PRKD1: variants seen among roughly 807,000 people sequenced by gnomAD.
PRKD1 encodes the protein protein kinase D1, also known as serine/threonine-protein kinase D1.
PRKD1 carries 63 observed loss-of-function variants against 95.9 expected under a neutral mutation model. That is an observed-to-expected ratio of 0.66 (90% CI 0.54 to 0.81). PRKD1 has a LOEUF of 0.81. Among genes scored for constraint, PRKD1 ranks in the 30% least tolerant of loss-of-function variants. The probability of loss-of-function intolerance (pLI) is 0.00; values close to 1 mark genes in which losing one functional copy is unlikely to be tolerated. For synonymous variants in PRKD1, 425 were observed against 423.1 expected (o/e 1.00, Z -0.05); for missense variants, 1,048 against 1,165.3 (o/e 0.90, Z 1.47).
intron 1 of PRKD1, among the ~76,000 whole-genome samples, chr14:29,776,801 A>G (rs1019499040): frequency 1.4e-4 from 22 of 152,172 alleles, no homozygotes; most frequent in Non-Finnish European, 2.6e-4. Flanking sequence ...GAACACCACA[A>G]AGACAATCCT....
At chr14:29,904,588 C>T (rs1258498574) in intron 1 of PRKD1, among the ~76,000 whole-genome samples, 1 of 152,126 alleles carries the variant, frequency 6.6e-6, no homozygotes, top group Non-Finnish European at 1.5e-5. Flanking sequence ...ATAATAATTG[C>T]TATTATTACT....
intron 1 of PRKD1, among the ~76,000 whole-genome samples, chr14:29,742,009 G>A (rs1259541519): frequency 2.0e-5 from 3 of 152,016 alleles, no homozygotes; most frequent in Non-Finnish European, 2.9e-5. Context: ...ATGATCCTTT[G>A]GTTCCAAGGA....
chr14:29,737,328 CAAAAAAAAAAAAAAAAAAAAAA>C (rs796557046), intron 1 of PRKD1, among the ~76,000 whole-genome samples: 16 of 37,908 alleles, frequency 4.2e-4, no homozygotes, highest in Admixed American at 1.2e-3. Context: ...GACTCCGTCT[CAAAAAAAAAAAAAAAAAAAAAA>C]AAAAAAAAAA....
intron 4 of PRKD1, among the ~76,000 whole-genome samples, chr14:29,644,868 T>C (rs966375747): frequency 6.6e-6 from 1 of 152,110 alleles, no homozygotes; most frequent in Non-Finnish European, 1.5e-5. Context: ...ATACCTCATG[T>C]ATAAATAAAC....
chr14:29,742,217 C>T (rs1042489711), intron 1 of PRKD1, among the ~76,000 whole-genome samples: 1 of 152,146 alleles, frequency 6.6e-6, no homozygotes, highest in East Asian at 1.9e-4. Flanking sequence ...GAAAAAAATG[C>T]TGTAGCATGC....
chr14:29,841,895 A>T (rs1224860829), intron 1 of PRKD1, among the ~76,000 whole-genome samples: 8 of 151,708 alleles, frequency 5.3e-5, no homozygotes, highest in African/African-American at 7.3e-5. Context: ...CCCAAAAAAA[A>T]TTTTCTTTTT....
At position 29,826,466 on chromosome 14, in the gene PRKD1, ATATACATATATATGATGGAATATATG is replaced by A. The variant is rs1376835733; in HGVS notation, c.264+100757_264+100782del. ...TATATACATATATATGATGGAATATATATACATATATATGATGGAATATATGTATACATATATATGATGGAATATAT... is the reference window on the plus strand; with the variant it reads ...TATATACATATATATGATGGAATATATATACATATATATGATGGAATATAT... On this transcript the variant is annotated intron_variant, in intron 1 of 17. Coordinates refer to ENST00000331968, the MANE Select transcript of PRKD1 (RefSeq NM_002742.3). Among the ~76,000 whole-genome samples, 13 of 59,776 alleles carry A rather than the reference ATATACATATATATGATGGAATATATG, an allele frequency of 2.2e-4. No homozygotes were observed. The East Asian group carries it at 2.7e-3, about 12-fold the overall frequency. The allele number at this position is 59,776 out of a possible 152,430, so 39.2% of individuals were successfully genotyped here. A position where few individuals can be genotyped will look rare whatever the true frequency, so the allele number is the denominator to read the frequency against.
chr14:29,634,070 G>A (rs1486198305), intron 8 of PRKD1, among the ~76,000 whole-genome samples: 1 of 152,158 alleles, frequency 6.6e-6, no homozygotes, highest in African/African-American at 2.4e-5. Flanking sequence ...TTTATTCTCT[G>A]CCTAGAATGC....
At chr14:29,609,225 CA>C (rs1243209657) in intron 13 of PRKD1, among the ~76,000 whole-genome samples, 2 of 152,014 alleles carry the variant, frequency 1.3e-5, no homozygotes, top group Non-Finnish European at 2.9e-5. Flanking sequence ...TAATATAGTT[CA>C]AAATTTTGTA....
intron 16 of PRKD1, among the ~76,000 whole-genome samples, chr14:29,585,733 A>G (rs1244664790): frequency 1.3e-5 from 2 of 152,194 alleles, no homozygotes; most frequent in Non-Finnish European, 2.9e-5. Flanking sequence ...GAAAATCAGA[A>G]TGATGCTGAG....
chr14:29,650,119 G>A (rs926172899), intron 4 of PRKD1, among the ~76,000 whole-genome samples: 4 of 151,878 alleles, frequency 2.6e-5, no homozygotes, highest in Non-Finnish European at 4.4e-5. Context: ...TTTCTTTTCC[G>A]AGCTGACTTA....
At chr14:29,746,927 TATTTTAA>T (rs766227858) in intron 1 of PRKD1, among the ~76,000 whole-genome samples, 25 of 152,198 alleles carry the variant, frequency 1.6e-4, no homozygotes, top group Non-Finnish European at 2.8e-4. Context: ...TAAATTGACA[TATTTTAA>T]GCATCTGTGA....
intron 16 of PRKD1, among the ~76,000 whole-genome samples, chr14:29,590,681 A>G (rs1893095482): frequency 6.6e-6 from 1 of 152,342 alleles, no homozygotes; most frequent in South Asian, 2.1e-4. Flanking sequence ...GATAAATTCT[A>G]GGTTATAACC....
chr14:29,675,295 G>A (rs1253818962), intron 2 of PRKD1, among the ~76,000 whole-genome samples: 1 of 152,168 alleles, frequency 6.6e-6, no homozygotes, highest in African/African-American at 2.4e-5. Context: ...AAAGTAAAAT[G>A]TATTCCTTTT....
intron 13 of PRKD1, among the ~76,000 whole-genome samples, chr14:29,608,947 A>G (rs933110379): frequency 6.6e-6 from 1 of 152,204 alleles, no homozygotes; most frequent in African/African-American, 2.4e-5. Context: ...CTTAGAACAA[A>G]TTATGTTAAT....
intron 1 of PRKD1, among the ~76,000 whole-genome samples, chr14:29,862,373 G>C (rs1037594470): frequency 2.6e-5 from 4 of 152,172 alleles, no homozygotes; most frequent in African/African-American, 9.7e-5. Context: ...TTTTCGGGGA[G>C]GGGGGTGGTA....
chr14:29,789,611 G>A (rs1462286095), intron 1 of PRKD1, among the ~76,000 whole-genome samples: 1 of 152,182 alleles, frequency 6.6e-6, no homozygotes, highest in Non-Finnish European at 1.5e-5. Flanking sequence ...GTGCCTATAA[G>A]TGAATGCCAA....
intron 1 of PRKD1, among the ~76,000 whole-genome samples, chr14:29,841,887 C>A (rs1332493101): frequency 1.3e-5 from 2 of 151,448 alleles, no homozygotes; most frequent in Admixed American, 1.3e-4. Flanking sequence ...AGCTGTACCC[C>A]AAAAAAAATT....
At chr14:29,659,435 A>C (rs1882070886) in intron 4 of PRKD1, among the ~76,000 whole-genome samples, 1 of 152,212 alleles carries the variant, frequency 6.6e-6, no homozygotes, top group African/African-American at 2.4e-5. Flanking sequence ...ACATCTTTTA[A>C]CATATCCTTC....
Sources: allele counts gnomAD v4.1 joint callset (sites outside exome capture counted in the v4.1 genomes callset), GRCh38; gene constraint gnomAD v4.1.1; transcripts MANE v1.5; gene names NCBI Gene and HGNC (gene_info 2026-07-23, HGNC 2026-07-21).